CCDC148: variants seen among roughly 807,000 people sequenced by gnomAD.
CCDC148 encodes coiled-coil domain containing 148, also known as coiled-coil domain-containing protein 148.
CCDC148 carries 89 observed loss-of-function variants against 85.7 expected under a neutral mutation model. The ratio of observed to expected loss-of-function variants is 1.04; its 90% confidence interval spans 0.87 to 1.24. CCDC148 has a LOEUF of 1.24. Ranked by LOEUF, CCDC148 falls within the 50% of genes most tolerant of loss-of-function variation. The probability of loss-of-function intolerance (pLI) is 0.00; values close to 1 mark genes in which losing one functional copy is unlikely to be tolerated. For missense variants in CCDC148, 692 were observed against 671.7 expected, an observed-to-expected ratio of 1.03 and a Z score of -0.33; for synonymous variants, 230 against 213.9, an observed-to-expected ratio of 1.08 and a Z score of -0.66.
At chr2:158,273,444 A>T (rs575139741) in intron 9 of CCDC148, among the ~76,000 whole-genome samples, 1 of 152,094 alleles carries the variant, frequency 6.6e-6, no homozygotes, top group Non-Finnish European at 1.5e-5. Context: ...CCCCCAAAGT[A>T]CTTCTGGGGT....
At chr2:158,301,618 G>T (rs1196107085) in intron 9 of CCDC148, among the ~76,000 whole-genome samples, 2 of 152,322 alleles carry the variant, frequency 1.3e-5, no homozygotes, top group South Asian at 2.1e-4. Context: ...AAACTGGAAG[G>T]CTCCAGCGTT....
Position 158,339,056 on chromosome 2 carries a change from A to T in CCDC148, c.516T>A (p.Thr172=), listed in dbSNP as rs771134571. The change falls in exon 6 of 14, where the codon ACT becomes ACA. Residue 172 remains threonine, a synonymous_variant. Transcript: ENST00000283233. ...GCTCCAGCCTAAGTCTTTCAAAGACAGTTTTCAATTGTTTCTTCACAAAGT... is the reference window on the plus strand; with the variant it reads ...GCTCCAGCCTAAGTCTTTCAAAGACTGTTTTCAATTGTTTCTTCACAAAGT... ...EVDFVKKQLK[T]VFERLRLEQQ... The T allele has an allele frequency of 6.2e-7, 1 of 1,613,846 alleles. No individual in the cohort carries two copies. The highest frequency in any genetic ancestry group is 8.5e-7 in the Non-Finnish European group (1 of 1,179,828).
intron 7 of CCDC148, among the ~76,000 whole-genome samples, chr2:158,331,898 GTC>G (rs1223032991): frequency 6.6e-6 from 1 of 152,140 alleles, no homozygotes; most frequent in African/African-American, 2.4e-5. Flanking sequence ...GCCTATGTGT[GTC>G]TCTGCACGAG....
chr2:158,313,933 A>G, intron 7 of CCDC148, 39 bp from the exon 8 acceptor site: 1 of 1,586,198 alleles, frequency 6.3e-7, no homozygotes, highest in Non-Finnish European at 8.6e-7. Flanking sequence ...TTATTGAGCA[A>G]TCATGAAATT....
chr2:158,208,441 G>C (rs1263522618), intron 11 of CCDC148, among the ~76,000 whole-genome samples: 2 of 152,148 alleles, frequency 1.3e-5, no homozygotes, highest in African/African-American at 2.4e-5. Context: ...TCTGCAGCTA[G>C]AGCATGAGTG....
intron 1 of CCDC148, among the ~76,000 whole-genome samples, chr2:158,428,867 C>A (rs892766865): frequency 9.9e-5 from 15 of 151,998 alleles, no homozygotes; most frequent in South Asian, 2.1e-4. Flanking sequence ...TTCACAATAG[C>A]AAAGACTTGG....
chr2:158,199,340 G>A (rs893284196), intron 11 of CCDC148, among the ~76,000 whole-genome samples: 3 of 152,100 alleles, frequency 2.0e-5, no homozygotes, highest in Admixed American at 6.6e-5. Context: ...CGCCTCCCAG[G>A]TTCAAGTGAT....
chr2:158,293,434 C>A (rs1690987963), intron 9 of CCDC148, among the ~76,000 whole-genome samples: 1 of 152,186 alleles, frequency 6.6e-6, no homozygotes, highest in Admixed American at 6.5e-5. Flanking sequence ...GTTTCTAAAG[C>A]AAAGTTTCAT....
At chr2:158,411,060 T>C (rs1430997487) in intron 1 of CCDC148, among the ~76,000 whole-genome samples, 2 of 152,206 alleles carry the variant, frequency 1.3e-5, no homozygotes, top group Admixed American at 1.3e-4. Context: ...CTAAGAAGTC[T>C]ACTGGTATAC....
chr2:158,210,833 C>T (rs1342225965), intron 11 of CCDC148, among the ~76,000 whole-genome samples: 3 of 149,266 alleles, frequency 2.0e-5, no homozygotes, highest in African/African-American at 2.5e-5. Context: ...GTAGCAGGTG[C>T]CCATAGTCCC....
At chr2:158,275,485 C>A (rs1240890186) in intron 9 of CCDC148, among the ~76,000 whole-genome samples, 1 of 152,074 alleles carries the variant, frequency 6.6e-6, no homozygotes, top group African/African-American at 2.4e-5. Context: ...TTTCCTTTCT[C>A]AAAAAATAAA....
In CCDC148 at chr2:158,209,256, A is replaced by G. The variant is rs935950672; in HGVS notation, c.1370+11339T>C. On this transcript the variant is annotated intron_variant, in intron 11 of 13. Coordinates refer to ENST00000283233, the MANE Select transcript of CCDC148 (RefSeq NM_138803.4). ...GCTACCATGTTATTTCTCCCAATCC[A>G]TGGCTTTATTCTCCTTCCTTCATTT... Among the ~76,000 whole-genome samples, 5 of 152,116 alleles carry G rather than the reference A, an allele frequency of 3.3e-5. No homozygotes were observed. In the South Asian group the frequency reaches 8.3e-4, roughly 25 times the overall value.
intron 1 of CCDC148, among the ~76,000 whole-genome samples, chr2:158,432,277 T>A (rs1363051091): frequency 1.3e-5 from 2 of 150,788 alleles, no homozygotes; most frequent in African/African-American, 4.9e-5. Context: ...CCAACCATAG[T>A]TATAAGTATA....
At chr2:158,309,345 ACTG>A in intron 9 of CCDC148, 85 bp downstream of exon 9, 1 of 1,140,464 alleles carries the variant, frequency 8.8e-7, no homozygotes, top group Non-Finnish European at 1.3e-6. Context: ...TTTAAGAGAA[ACTG>A]AACTTTAGGT....
intron 1 of CCDC148, among the ~76,000 whole-genome samples, chr2:158,360,440 G>A (rs553989573): frequency 6.6e-6 from 1 of 152,114 alleles, no homozygotes; most frequent in Non-Finnish European, 1.5e-5. Flanking sequence ...GGCATCTGGT[G>A]GGTGGCCCCT....
Position 158,444,254 on chromosome 2 carries a change from T to G in CCDC148, c.25+12161A>C, listed in dbSNP as rs779312478. ...GAAATGACTGAATCTTATTAATTTC[T>G]TCTTCTCTATAAGGGAAATCAAAAG... On this transcript the variant is annotated intron_variant, in intron 1 of 13. Transcript: ENST00000283233. Among the ~76,000 whole-genome samples the G allele has an allele frequency of 1.0e-3, 158 of 151,764 alleles. 1 individual carries two copies. The highest frequency in any genetic ancestry group is 6.5e-4 in the Admixed American group (10 of 15,270).
intron 11 of CCDC148, among the ~76,000 whole-genome samples, chr2:158,206,701 A>G (rs1247517659): frequency 1.3e-5 from 2 of 152,226 alleles, no homozygotes; most frequent in Non-Finnish European, 2.9e-5. Context: ...TGGCCAGTAG[A>G]TTAGGGACAC....
chr2:158,198,353 T>G (rs541948112), intron 11 of CCDC148, among the ~76,000 whole-genome samples: 1 of 152,196 alleles, frequency 6.6e-6, no homozygotes, highest in Admixed American at 6.5e-5. Context: ...AGACACTCAA[T>G]AATAATTATT....
chr2:158,173,217 C>A (rs781581485), intron 13 of CCDC148, among the ~76,000 whole-genome samples: 6 of 151,812 alleles, frequency 4.0e-5, no homozygotes, highest in Non-Finnish European at 8.8e-5. Flanking sequence ...GGAAGAGAGA[C>A]CTAATGAGAA....
Sources: allele counts gnomAD v4.1 joint callset (sites outside exome capture counted in the v4.1 genomes callset), GRCh38; gene constraint gnomAD v4.1.1; transcripts MANE v1.5; gene names NCBI Gene and HGNC (gene_info 2026-07-23, HGNC 2026-07-21).